MACROD2: variants seen among roughly 807,000 people sequenced by gnomAD.
The protein encoded by MACROD2 is mono-ADP ribosylhydrolase 2, also known as ADP-ribose glycohydrolase MACROD2.
A neutral mutation model predicts 70.4 loss-of-function variants in MACROD2; 36 were observed. The observed-to-expected ratio is 0.51, with a 90% CI of 0.39 to 0.68. MACROD2 has a LOEUF of 0.68. MACROD2 is among the 30% of genes least tolerant of loss of function. The pLI, the probability that MACROD2 is intolerant of heterozygous loss-of-function variation, is 0.00. For missense variants in MACROD2, 496 were observed against 538.4 expected (o/e 0.92, Z 0.78); for synonymous variants, 172 against 178.8 (o/e 0.96, Z 0.30).
At chr20:14,430,878 A>T (rs1600230253) in intron 3 of MACROD2, among the ~76,000 whole-genome samples, 1 of 152,136 alleles carries the variant, frequency 6.6e-6, no homozygotes, top group African/African-American at 2.4e-5. Context: ...ACTGCCTAGC[A>T]TCCCAAAACA....
intron 6 of MACROD2, among the ~76,000 whole-genome samples, chr20:15,245,882 C>T (rs2077100846): frequency 6.6e-6 from 1 of 152,196 alleles, no homozygotes; most frequent in African/African-American, 2.4e-5. Flanking sequence ...TCCAGATTTG[C>T]ACTTTTCTAA....
At chr20:15,067,540 G>C (rs1054806363) in intron 5 of MACROD2, among the ~76,000 whole-genome samples, 4 of 151,902 alleles carry the variant, frequency 2.6e-5, no homozygotes, top group African/African-American at 7.3e-5. Context: ...AGTAGAGATG[G>C]GGTTTCACCA....
At chr20:15,215,768 GA>G (rs1484729646) in intron 5 of MACROD2, among the ~76,000 whole-genome samples, 1 of 151,958 alleles carries the variant, frequency 6.6e-6, no homozygotes, top group Non-Finnish European at 1.5e-5. Context: ...GTTCCAGTAA[GA>G]AGAGAAAGAA....
intron 6 of MACROD2, among the ~76,000 whole-genome samples, chr20:15,362,652 A>G (rs2078366303): frequency 6.6e-6 from 1 of 152,134 alleles, no homozygotes; most frequent in African/African-American, 2.4e-5. Context: ...ATTAGAAATT[A>G]GTCATTCTTA....
At chr20:15,471,364 G>A (rs6043301) in intron 7 of MACROD2, among the ~76,000 whole-genome samples, 1 of 152,130 alleles carries the variant, frequency 6.6e-6, no homozygotes, top group Non-Finnish European at 1.5e-5. Context: ...TGGCAGTTCA[G>A]GAAAGAGTAC....
intron 5 of MACROD2, among the ~76,000 whole-genome samples, chr20:14,707,975 C>T (rs998180322): frequency 6.6e-6 from 1 of 152,124 alleles, no homozygotes; most frequent in Admixed American, 6.5e-5. Flanking sequence ...GAGTTGGAAA[C>T]CTTGGTTTAA....
At chr20:14,997,067 G>A (rs906076011) in intron 5 of MACROD2, among the ~76,000 whole-genome samples, 9 of 152,314 alleles carry the variant, frequency 5.9e-5, no homozygotes, top group African/African-American at 2.2e-4. Flanking sequence ...AGCTGAGGCA[G>A]CCAAAGGAAT....
At chr20:14,519,522 A>G (rs1050803370) in intron 4 of MACROD2, among the ~76,000 whole-genome samples, 1 of 152,200 alleles carries the variant, frequency 6.6e-6, no homozygotes. Flanking sequence ...ATGAGATACC[A>G]TCTCACAAGT....
chr20:15,346,601 C>T (rs749784339), intron 6 of MACROD2, among the ~76,000 whole-genome samples: 21 of 151,972 alleles, frequency 1.4e-4, no homozygotes, highest in Non-Finnish European at 2.1e-4. Flanking sequence ...ATGTGTGTGC[C>T]GGGGGAAGGA....
intron 5 of MACROD2, among the ~76,000 whole-genome samples, chr20:14,958,383 T>C (rs1442500841): frequency 6.6e-6 from 1 of 152,190 alleles, no homozygotes; most frequent in Non-Finnish European, 1.5e-5. Flanking sequence ...AATGTTTCCT[T>C]TCCGTTCAGA....
chr20:14,233,442 C>T (rs1010423758), intron 3 of MACROD2, among the ~76,000 whole-genome samples: 2 of 151,834 alleles, frequency 1.3e-5, no homozygotes, highest in African/African-American at 4.8e-5. Flanking sequence ...CCTGTAATCC[C>T]AGCACTTTGG....
intron 2 of MACROD2, among the ~76,000 whole-genome samples, chr20:14,044,006 A>G (rs553055553): frequency 6.6e-5 from 10 of 152,230 alleles, no homozygotes; most frequent in Non-Finnish European, 1.5e-4. Flanking sequence ...ACTTTCCACG[A>G]GAAAGACACT....
chr20:15,634,517 G>T (rs897817367), intron 8 of MACROD2, among the ~76,000 whole-genome samples: 6 of 152,148 alleles, frequency 3.9e-5, no homozygotes, highest in Non-Finnish European at 8.8e-5. Flanking sequence ...GATCCCATGT[G>T]GCCTAATTAG....
At chr20:15,186,676 A>T (rs867647041) in intron 5 of MACROD2, among the ~76,000 whole-genome samples, 7 of 152,154 alleles carry the variant, frequency 4.6e-5, no homozygotes, top group Non-Finnish European at 7.4e-5. Flanking sequence ...GGAAAAAAAA[A>T]TTTTTATTGT....
chr20:14,485,895 G>A (rs1368284287), intron 3 of MACROD2, among the ~76,000 whole-genome samples: 1 of 151,860 alleles, frequency 6.6e-6, no homozygotes, highest in South Asian at 2.1e-4. Flanking sequence ...TAAACACTCT[G>A]CTATATTGAT....
At chr20:14,352,320 G>A (rs756890938) in intron 3 of MACROD2, 2 of 152,152 alleles carry the variant, frequency 1.3e-5, no homozygotes, top group African/African-American at 2.4e-5. Flanking sequence ...AAAAATACTC[G>A]TCTCGCTTCG....
intron 4 of MACROD2, among the ~76,000 whole-genome samples, chr20:14,552,417 A>G (rs749992866): frequency 6.6e-6 from 1 of 151,458 alleles, no homozygotes; most frequent in Non-Finnish European, 1.5e-5. Flanking sequence ...AGATTTAGCT[A>G]CAAGAAGAGT....
chr20:15,749,535 TG>T (rs1482105144), intron 8 of MACROD2, among the ~76,000 whole-genome samples: 2 of 152,058 alleles, frequency 1.3e-5, no homozygotes, highest in South Asian at 4.1e-4. Flanking sequence ...GGGAGCTTTT[TG>T]TGACATTGAC....
chr20:15,277,736 T>C (rs1294805424), intron 6 of MACROD2, among the ~76,000 whole-genome samples: 1 of 152,114 alleles, frequency 6.6e-6, no homozygotes, highest in African/African-American at 2.4e-5. Flanking sequence ...ACTGTCTAGC[T>C]GGGTGATTTG....
Sources: allele counts gnomAD v4.1 joint callset (sites outside exome capture counted in the v4.1 genomes callset), GRCh38; gene constraint gnomAD v4.1.1; transcripts MANE v1.5; gene names NCBI Gene and HGNC (gene_info 2026-07-23, HGNC 2026-07-21).